Variants in LUZP2 observed in about 807,000 individuals in gnomAD.
LUZP2 encodes the protein leucine zipper protein 2.
A neutral mutation model predicts 51.6 loss-of-function variants in LUZP2; 52 were observed. The observed-to-expected ratio is 1.01, with a 90% confidence interval of 0.81 to 1.27. The LOEUF (loss-of-function observed/expected upper bound fraction) is 1.27. Ranked by LOEUF, LUZP2 falls within the 50% of genes most tolerant of loss-of-function variation. LUZP2 has a pLI of 0.00. For synonymous variants in LUZP2, 154 were observed against 137.3 expected (o/e 1.12, Z -0.85); for missense variants, 436 against 395.4 (o/e 1.10, Z -0.87).
intron 5 of LUZP2, among the ~76,000 whole-genome samples, chr11:24,897,105 C>A (rs989272141): frequency 6.6e-6 from 1 of 151,716 alleles, no homozygotes; most frequent in Non-Finnish European, 1.5e-5. Flanking sequence ...ACTTGGAGAA[C>A]TTTTACCTCT....
intron 1 of LUZP2, among the ~76,000 whole-genome samples, chr11:24,545,118 C>G (rs1475105900): frequency 6.7e-6 from 1 of 150,228 alleles, no homozygotes; most frequent in East Asian, 2.0e-4. Context: ...CCTTTGCCCA[C>G]TCTTTAATTT....
At chr11:24,567,915 A>G (rs1852294842) in intron 1 of LUZP2, among the ~76,000 whole-genome samples, 1 of 152,136 alleles carries the variant, frequency 6.6e-6, no homozygotes, top group Non-Finnish European at 1.5e-5. Context: ...CACTGGTAAG[A>G]AGGTAAATAT....
At chr11:24,997,561 T>C (rs1035547466) in intron 9 of LUZP2, among the ~76,000 whole-genome samples, 68 of 152,252 alleles carry the variant, frequency 4.5e-4, no homozygotes, top group Admixed American at 1.4e-3. Context: ...TTCTCCCATT[T>C]TGTAGGTTGC....
chr11:24,530,112 T>C (rs61673719), intron 1 of LUZP2, among the ~76,000 whole-genome samples: 4 of 150,878 alleles, frequency 2.7e-5, no homozygotes, highest in Non-Finnish European at 6.0e-5. Context: ...GGTTGCAAAT[T>C]TACATACTAG....
At chr11:24,819,555 T>C (rs1466670048) in intron 5 of LUZP2, among the ~76,000 whole-genome samples, 1 of 152,110 alleles carries the variant, frequency 6.6e-6, no homozygotes, top group Non-Finnish European at 1.5e-5. Context: ...TTTAAAACTT[T>C]TCTGTTTTTT....
At chr11:24,623,826 G>A (rs1854587391) in intron 1 of LUZP2, among the ~76,000 whole-genome samples, 1 of 152,212 alleles carries the variant, frequency 6.6e-6, no homozygotes. Flanking sequence ...CAGCCTGGGC[G>A]ACAGAGTGAG....
At chr11:24,572,777 C>T (rs755712609) in intron 1 of LUZP2, among the ~76,000 whole-genome samples, 6 of 152,040 alleles carry the variant, frequency 3.9e-5, no homozygotes, top group South Asian at 2.1e-4. Context: ...ATTGCTCATC[C>T]GCACAATAAT....
At chr11:24,663,473 A>G (rs772811391) in intron 1 of LUZP2, among the ~76,000 whole-genome samples, 105 of 152,156 alleles carry the variant, frequency 6.9e-4, no homozygotes, top group Non-Finnish European at 1.3e-3. Context: ...ACCCAGTCTG[A>G]GGAATTTCTT....
chr11:24,539,167 G>C (rs986973155), intron 1 of LUZP2, among the ~76,000 whole-genome samples: 1 of 151,694 alleles, frequency 6.6e-6, no homozygotes, highest in Non-Finnish European at 1.5e-5. Context: ...TAAAACATTG[G>C]ATCTGGAACA....
chr11:24,966,911 AT>A (rs1263005016), intron 7 of LUZP2, among the ~76,000 whole-genome samples: 1 of 148,080 alleles, frequency 6.8e-6, no homozygotes, highest in Non-Finnish European at 1.5e-5. Context: ...TTATATATAT[AT>A]AATATATGAT....
chr11:24,796,412 T>C (rs978611199), intron 5 of LUZP2, among the ~76,000 whole-genome samples: 4 of 152,132 alleles, frequency 2.6e-5, no homozygotes, highest in South Asian at 4.2e-4. Context: ...CAACTTGTAA[T>C]TGCCTTTTTC....
chr11:24,900,517 T>C (rs1395980987), intron 5 of LUZP2, among the ~76,000 whole-genome samples: 1 of 152,218 alleles, frequency 6.6e-6, no homozygotes, highest in African/African-American at 2.4e-5. Flanking sequence ...TTTTCTGCAT[T>C]GCATTCTTAA....
intron 5 of LUZP2, among the ~76,000 whole-genome samples, chr11:24,798,296 C>T (rs898350211): frequency 1.8e-4 from 28 of 151,898 alleles, no homozygotes; most frequent in African/African-American, 6.5e-4. Context: ...TAGCTCACTA[C>T]AGCCTTGATT....
chr11:24,764,293 G>A (rs552669608), intron 5 of LUZP2, among the ~76,000 whole-genome samples: 4 of 151,874 alleles, frequency 2.6e-5, no homozygotes, highest in Non-Finnish European at 5.9e-5. Context: ...TACATAAGTA[G>A]CATCAGTTCA....
At chr11:24,650,895 A>G (rs2133962424) in intron 1 of LUZP2, among the ~76,000 whole-genome samples, 1 of 152,174 alleles carries the variant, frequency 6.6e-6, no homozygotes, top group South Asian at 2.1e-4. Context: ...AGATTTCTGA[A>G]CTTTTGTAAG....
intron 1 of LUZP2, chr11:24,646,578 C>T (rs1855468793): frequency 3.0e-6 from 3 of 984,894 alleles, no homozygotes; most frequent in Non-Finnish European, 3.6e-6. Context: ...CCTCCATATC[C>T]ATATTCAAGG....
intron 7 of LUZP2, among the ~76,000 whole-genome samples, chr11:24,950,948 A>G (rs1283187235): frequency 6.6e-6 from 1 of 151,510 alleles, no homozygotes; most frequent in Non-Finnish European, 1.5e-5. Flanking sequence ...TGTTATAGTG[A>G]TAGCTTCATA....
intron 5 of LUZP2, among the ~76,000 whole-genome samples, chr11:24,837,299 G>A (rs148237139): frequency 9.1e-4 from 138 of 151,696 alleles, no homozygotes; most frequent in African/African-American, 3.3e-3. Flanking sequence ...AGATTTCAAG[G>A]CTTATTTGGA....
At position 25,043,950 on chromosome 11, in the gene LUZP2, GAT is replaced by G. The variant is rs1415873831; in HGVS notation, c.766-6078_766-6077del. 1.3e-4 allele frequency among the ~76,000 whole-genome samples: 7 copies of G among 53,372 alleles called. 1 individual carries two copies. The highest frequency in any genetic ancestry group is 1.9e-4 in the African/African-American group (3 of 16,140). The allele number at this position is 53,372 out of a possible 152,430, so 35.0% of individuals were successfully genotyped here. A position where few individuals can be genotyped will look rare whatever the true frequency, so the allele number is the denominator to read the frequency against. ...TATATATAGTCCTCTACATATATCT[GAT>G]ATATATATAGTCCATATATATCTGA... is the stretch of plus-strand genomic sequence containing the variant. On this transcript the variant is annotated intron_variant, in intron 9 of 11. Transcript: ENST00000336930.
Sources: gnomAD v4.1 joint callset for allele counts (sites outside exome capture counted in the v4.1 genomes callset) on GRCh38, gnomAD v4.1.1 for gene constraint, MANE v1.5 for transcripts, NCBI Gene and HGNC (gene_info 2026-07-23, HGNC 2026-07-21) for gene names.